The following MYO1D variants were observed in gnomAD, a reference collection of about 807,000 sequenced individuals.
MYO1D encodes unconventional myosin-Id.
Under a neutral mutation model 122.0 loss-of-function variants are expected in MYO1D, and 83 were observed. The observed-to-expected ratio is 0.68, with a 90% confidence interval of 0.57 to 0.82. The LOEUF (loss-of-function observed/expected upper bound fraction) is 0.82, where lower values mean the gene tolerates loss of function less well. MYO1D is among the 40% of genes least tolerant of loss of function. The pLI, the probability that MYO1D is intolerant of heterozygous loss-of-function variation, is 0.00. For missense variants in MYO1D, 1,157 were observed against 1,269.5 expected (o/e 0.91, Z 1.35); for synonymous variants, 464 against 446.9 (o/e 1.04, Z -0.48).
chr17:32,701,723 C>G (rs957671966), intron 16 of MYO1D, among the ~76,000 whole-genome samples: 11 of 152,174 alleles, frequency 7.2e-5, no homozygotes, highest in Admixed American at 5.9e-4. Flanking sequence ...CCACTATGCT[C>G]AGTTAATATT....
chr17:32,654,641 A>G lies in MYO1D; in HGVS notation c.2346-20T>C, dbSNP rs757306003. ...CTCCATCTACAAGTAAATAGACAAC[A>G]TGTATTAGACTTTAGAAATGCAATC... On this transcript the variant is annotated intron_variant, in intron 17 of 21. Transcript: ENST00000318217. The G allele has an allele frequency of 8.9e-6, 14 of 1,581,890 alleles. No homozygotes were observed. Among genetic ancestry groups the G allele is most frequent in the South Asian group, 1.2e-5 (1 of 86,498 alleles).
Position 32,603,692 on chromosome 17 carries a change from A to G in MYO1D, c.2864+1395T>C, listed in dbSNP as rs142342144. Reference sequence around the variant, plus strand: ...AGGTGCCCGCCACCAAGCCCAGCTAATTTTTTGTATTTTTAGTAGAGACGG... The same window carrying G: ...AGGTGCCCGCCACCAAGCCCAGCTAGTTTTTTGTATTTTTAGTAGAGACGG... On this transcript the variant is annotated intron_variant, in intron 21 of 21. Coordinates refer to ENST00000318217, the MANE Select transcript of MYO1D (RefSeq NM_015194.3). Among the ~76,000 whole-genome samples, 693 of 151,570 alleles carry G rather than the reference A, an allele frequency of 4.6e-3. 3 individuals are homozygous for G. Among genetic ancestry groups the G allele is most frequent in the African/African-American group, 0.015 (632 of 41,356 alleles).
At position 32,694,994 on chromosome 17, in the gene MYO1D, T is replaced by C. The variant is rs1431178671; in HGVS notation, c.2121+16994A>G. 3.9e-5 allele frequency among the ~76,000 whole-genome samples: 6 copies of C among 152,214 alleles called. No homozygotes were observed. The East Asian group carries it at 1.2e-3, about 29-fold the overall frequency. On this transcript the variant is annotated intron_variant, in intron 16 of 21. Transcript: ENST00000318217. ...TCCAATAACTATCATAGTCTGCTAA[T>C]TATTTCATGGTCTCCTAAATATTTC...
At chr17:32,873,371 G>C (rs1175876838) in intron 1 of MYO1D, among the ~76,000 whole-genome samples, 1 of 152,144 alleles carries the variant, frequency 6.6e-6, no homozygotes, top group Non-Finnish European at 1.5e-5. Flanking sequence ...TTCCAGACTG[G>C]GGAGTAAGAG....
chr17:32,708,000 A>G (rs75393526), intron 16 of MYO1D, among the ~76,000 whole-genome samples: 21,732 of 152,106 alleles, frequency 0.14, 1,993 homozygotes, highest in Middle Eastern at 0.29. Context: ...CTCCTTGTGC[A>G]TTTTCCCTTT....
chr17:32,872,981 C>A lies in MYO1D; in HGVS notation c.95+3797G>T, dbSNP rs529844010. Reference sequence around the variant, plus strand: ...AAAGTGCTGGGATTACAGGCGTGAGCCACCGCGCCCGGCCTAGGTCAATTT... The same window carrying A: ...AAAGTGCTGGGATTACAGGCGTGAGACACCGCGCCCGGCCTAGGTCAATTT... On this transcript the variant is annotated intron_variant, in intron 1 of 21. Coordinates refer to ENST00000318217, the MANE Select transcript of MYO1D (RefSeq NM_015194.3). Among the ~76,000 whole-genome samples the A allele has an allele frequency of 5.3e-5, 8 of 152,294 alleles. No homozygotes were observed. The East Asian group carries it at 1.4e-3, about 26-fold the overall frequency.
At chr17:32,501,623 C>A (rs761941378) in intron 21 of MYO1D, among the ~76,000 whole-genome samples, 1 of 152,174 alleles carries the variant, frequency 6.6e-6, no homozygotes, top group Non-Finnish European at 1.5e-5. Context: ...GAGAGCTGGA[C>A]ACATGGAGGC....
intron 20 of MYO1D, among the ~76,000 whole-genome samples, chr17:32,608,752 T>C (rs751124314): frequency 5.9e-5 from 9 of 152,168 alleles, no homozygotes; most frequent in Admixed American, 1.3e-4. Flanking sequence ...ACGACCCAAA[T>C]ATCCAGCAGC....
chr17:32,793,236 T>C (rs1475629713), intron 1 of MYO1D, among the ~76,000 whole-genome samples: 1 of 151,890 alleles, frequency 6.6e-6, no homozygotes, highest in African/African-American at 2.4e-5. Context: ...CATAGTATTA[T>C]TGTACTCAAA....
intron 16 of MYO1D, among the ~76,000 whole-genome samples, chr17:32,710,356 T>A (rs2089359848): frequency 6.6e-6 from 1 of 152,152 alleles, no homozygotes; most frequent in African/African-American, 2.4e-5. Flanking sequence ...GGCAGATTGC[T>A]TAGTAGATGA....
intron 11 of MYO1D, among the ~76,000 whole-genome samples, chr17:32,755,068 A>G (rs1473954859): frequency 6.6e-6 from 1 of 152,244 alleles, no homozygotes; most frequent in East Asian, 1.9e-4. Context: ...GAAGTACAGC[A>G]GAGTGCACAA....
At chr17:32,778,640 G>T (rs921812850) in intron 2 of MYO1D, 67 bp from the exon 3 acceptor site, 2 of 1,336,622 alleles carry the variant, frequency 1.5e-6, no homozygotes, top group African/African-American at 1.5e-5. Flanking sequence ...ATTTTTAATA[G>T]AATAATTTAA....
Position 32,721,054 on chromosome 17 carries a change from A to G in MYO1D, c.1882T>C (p.Phe628Leu). Residue 628 changes from phenylalanine to leucine, a missense_variant, in exon 15 of 22, where the codon TTC (phenylalanine) becomes CTC (leucine). Physicochemically the swap from Phe to Leu is conservative, Grantham distance 22. Transcript: ENST00000318217. ...NVRVRRAGFA[F>L]RQTYEKFLHR... ...AGAAACTTCTCGTATGTCTGGCGGA[A>G]GGCAAATCCTGCCCGACGCACTCTC... The G allele has an allele frequency of 6.2e-7, 1 of 1,614,202 alleles. No homozygotes were observed. The highest frequency in any genetic ancestry group is 2.2e-5 in the East Asian group (1 of 44,892).
intron 21 of MYO1D, among the ~76,000 whole-genome samples, chr17:32,581,703 G>A (rs2087341708): frequency 6.6e-6 from 1 of 151,558 alleles, no homozygotes; most frequent in African/African-American, 2.4e-5. Flanking sequence ...CTCCTAACTA[G>A]CTGAGAATAC....
At chr17:32,836,441 C>T (rs2090824978) in intron 1 of MYO1D, among the ~76,000 whole-genome samples, 1 of 152,196 alleles carries the variant, frequency 6.6e-6, no homozygotes, top group African/African-American at 2.4e-5. Flanking sequence ...ATTTCCATCA[C>T]ACCAGAGGGT....
At chr17:32,563,703 G>T (rs151178007) in intron 21 of MYO1D, among the ~76,000 whole-genome samples, 6 of 152,316 alleles carry the variant, frequency 3.9e-5, no homozygotes, top group African/African-American at 1.4e-4. Context: ...CATTTCAAAT[G>T]GAGCCATCAA....
chr17:32,639,020 G>C (rs1444148152), intron 19 of MYO1D, among the ~76,000 whole-genome samples, 185 bp from the exon 20 acceptor site: 1 of 152,102 alleles, frequency 6.6e-6, no homozygotes, highest in Non-Finnish European at 1.5e-5. Context: ...TTTTACAATT[G>C]AACATGGAAA....
chr17:32,771,418 T>C (rs763427674), intron 5 of MYO1D, among the ~76,000 whole-genome samples, 198 bp from the exon 6 acceptor site: 2 of 152,196 alleles, frequency 1.3e-5, no homozygotes, highest in South Asian at 2.1e-4. Context: ...CAGAGAATGT[T>C]ATGCAGTCAT....
At chr17:32,548,301 C>T (rs549311913) in intron 21 of MYO1D, among the ~76,000 whole-genome samples, 5 of 151,240 alleles carry the variant, frequency 3.3e-5, no homozygotes, top group East Asian at 2.0e-4. Context: ...TGGTGGTGCA[C>T]GTATATAGTC....
Sources: gnomAD v4.1 joint callset for allele counts (sites outside exome capture counted in the v4.1 genomes callset) on GRCh38, gnomAD v4.1.1 for gene constraint, MANE v1.5 for transcripts, NCBI Gene and HGNC (gene_info 2026-07-23, HGNC 2026-07-21) for gene names.